CDKN1A: variants seen among roughly 807,000 people sequenced by gnomAD.
CDKN1A encodes cyclin-dependent kinase inhibitor 1.
Under a neutral mutation model 14.8 loss-of-function variants are expected in CDKN1A, and 14 were observed. The observed-to-expected ratio is 0.94, with a 90% CI of 0.62 to 1.48. The LOEUF is 1.48. Ranked by LOEUF, CDKN1A falls within the 40% of genes most tolerant of loss-of-function variation. CDKN1A has a pLI of 0.00. For missense variants in CDKN1A, 203 were observed against 231.7 expected, an observed-to-expected ratio of 0.88 and a Z score of 0.80; for synonymous variants, 92 against 93.5, an observed-to-expected ratio of 0.98 and a Z score of 0.09.
At chr6:36,677,828 A>G (rs1761743824), upstream of CDKN1A, 2 of 1,343,442 alleles carry the variant, frequency 1.5e-6, no homozygotes, top group African/African-American at 1.5e-5. Flanking sequence ...CCAGCAGTGT[A>G]TACGGGCTAT....
intron 1 of CDKN1A, among the ~76,000 whole-genome samples, chr6:36,681,750 C>A (rs1456661850): frequency 6.6e-6 from 1 of 151,690 alleles, no homozygotes; most frequent in African/African-American, 2.4e-5. Flanking sequence ...TGCCATCATG[C>A]CCGGCTAATT....
upstream of CDKN1A, chr6:36,678,637 G>C (rs1373918562): frequency 1.0e-6 from 1 of 983,798 alleles, no homozygotes; most frequent in Non-Finnish European, 1.2e-6. This position sits in a 1 kb window ranked among gnomAD's most constrained non-coding sequence, Gnocchi z 5.7. Context: ...GCGGTGGGCC[G>C]AGCGCGGGTC....
intron 2 of CDKN1A, among the ~76,000 whole-genome samples, chr6:36,685,533 C>T (rs184795875): frequency 1.1e-4 from 17 of 152,280 alleles, no homozygotes; most frequent in Middle Eastern, 3.4e-3. Flanking sequence ...GGTGCGGGTG[C>T]GGTGATGGAT....
intron 1 of CDKN1A, among the ~76,000 whole-genome samples, chr6:36,681,534 C>G: frequency 6.7e-6 from 1 of 148,900 alleles, no homozygotes; most frequent in Non-Finnish European, 1.5e-5. Flanking sequence ...CCTGTTTCAG[C>G]CTCCCAAGTA....
In CDKN1A at chr6:36,684,209, G is replaced by A. The variant is rs200882481; in HGVS notation, c.108G>A (p.Ala36=). The change falls in exon 2 of 3, where the codon GCG becomes GCA. Residue 36 remains alanine (A), a synonymous_variant. Coordinates refer to ENST00000244741, the MANE Select transcript of CDKN1A (RefSeq NM_000389.5). The surrounding 1 kb of genome is among the most constrained non-coding windows in gnomAD (Gnocchi z 6.0). The part of the protein sequence containing the change: ...DSEQLSRDCD[A]LMAGCIQEAR... ...AGCAGCTGAGCCGCGACTGTGATGC[G>A]CTAATGGCGGGCTGCATCCAGGAGG... The A allele has an allele frequency of 3.0e-5, 49 of 1,611,910 alleles. No individual in the cohort carries two copies. The East Asian group carries it at 6.5e-4, about 21-fold the overall frequency.
At chr6:36,681,314 T>TTCTA (rs1244863342) in intron 1 of CDKN1A, among the ~76,000 whole-genome samples, 1 of 126,468 alleles carries the variant, frequency 7.9e-6, no homozygotes, top group African/African-American at 2.9e-5. Context: ...CTTTCTTTCT[T>TTCTA]TCTTTCTTTC....
At position 36,686,868 on chromosome 6, in the gene CDKN1A, G is replaced by C; in HGVS notation, c.*1068G>C. 2 of 233,740 alleles carry C rather than the reference G, an allele frequency of 8.6e-6. No individual in the cohort carries two copies. The highest frequency in any genetic ancestry group is 1.7e-5 in the Non-Finnish European group (2 of 118,072). 14.5% of individuals were successfully genotyped at this position (233,740 alleles called of 1,614,324 possible). Reference sequence around the variant, plus strand: ...GTTAGGGGTATATGATGGGGGAGTAGATCTTTCTAGGAGGGAGACACTGGC... The same window carrying C: ...GTTAGGGGTATATGATGGGGGAGTACATCTTTCTAGGAGGGAGACACTGGC... On this transcript the variant is annotated 3_prime_UTR_variant, in exon 3 of 3. Coordinates refer to ENST00000244741, the MANE Select transcript of CDKN1A (RefSeq NM_000389.5). The surrounding 1 kb of genome is among the most constrained non-coding windows in gnomAD (Gnocchi z 4.9).
At position 36,686,275 on chromosome 6, in the gene CDKN1A, G is replaced by A. The variant is rs1261233743; in HGVS notation, c.*475G>A. ...TTGAGAAGTAAACAGATGGCACTTT[G>A]AAGGGGCCTCACCGAGTGGGGGCAT... is the stretch of plus-strand genomic sequence containing the variant. On this transcript the variant is annotated 3_prime_UTR_variant, in exon 3 of 3. Coordinates refer to ENST00000244741, the MANE Select transcript of CDKN1A (RefSeq NM_000389.5). This position sits in a 1 kb window ranked among gnomAD's most constrained non-coding sequence, Gnocchi z 4.9. 1 of 308,018 alleles carries A rather than the reference G, an allele frequency of 3.2e-6. No homozygotes were observed. The highest frequency in any genetic ancestry group is 2.1e-5 in the African/African-American group (1 of 46,530). The allele number at this position is 308,018 out of a possible 1,614,324, so 19.1% of individuals were successfully genotyped here. A position where few individuals can be genotyped will look rare whatever the true frequency, so the allele number is the denominator to read the frequency against.
chr6:36,681,334 T>TTCTTTCTTTTTCTTTC lies in CDKN1A; in HGVS notation c.-6+2537_-6+2538insCTTTCTTTTTCTTTCT, dbSNP rs780161958. On this transcript the variant is annotated intron_variant, in intron 1 of 2. Transcript: ENST00000244741. ...TTTCTTTCTTTCTTTCTTTCTTTCT[T>TTCTTTCTTTTTCTTTC]TTTCTTTCTTTCTTTCTTTTTCTTT... 5.2e-4 allele frequency among the ~76,000 whole-genome samples: 45 copies of TTCTTTCTTTTTCTTTC among 86,122 alleles called. 1 individual carries two copies. Among genetic ancestry groups the TTCTTTCTTTTTCTTTC allele is most frequent in the Non-Finnish European group, 8.6e-4 (35 of 40,734 alleles). The allele number at this position is 86,122 out of a possible 152,430, so 56.5% of individuals were successfully genotyped here.
Position 36,678,807 on chromosome 6 carries a change from G to A in CDKN1A, c.-6+9G>A, listed in dbSNP as rs1761786272. On this transcript the variant is annotated intron_variant, in intron 1 of 2. Transcript: ENST00000244741. The surrounding 1 kb of genome is among the most constrained non-coding windows in gnomAD (Gnocchi z 5.7). ...CGAGGCACTCAGAGGAGGTGAGAGA[G>A]CGGCGGCAGACAACAGGGGACCCCG... is the stretch of plus-strand genomic sequence containing the variant. 1 of 985,628 alleles carries A rather than the reference G, an allele frequency of 1.0e-6. No individual in the cohort carries two copies. Among genetic ancestry groups the A allele is most frequent in the South Asian group, 4.7e-5 (1 of 21,300 alleles). 61.1% of individuals were successfully genotyped at this position (985,628 alleles called of 1,614,324 possible).
At chr6:36,681,653 C>T (rs533099516) in intron 1 of CDKN1A, among the ~76,000 whole-genome samples, 73 of 130,330 alleles carry the variant, frequency 5.6e-4, no homozygotes, top group Non-Finnish European at 9.9e-4. Flanking sequence ...AGTGCAGTGG[C>T]GTGATCTCGG....
In CDKN1A at chr6:36,678,917, G is replaced by T; in HGVS notation, c.-6+119G>T. ...ATGCGTGTTCGCGGGTGTGTGCTGC[G>T]TTCACAGGTGTTTCTGCGGCAGGTG... On this transcript the variant is annotated intron_variant, in intron 1 of 2. Transcript: ENST00000244741. The surrounding 1 kb of genome is among the most constrained non-coding windows in gnomAD (Gnocchi z 5.7). 1.0e-6 allele frequency: 1 copy of T among 985,994 alleles called. No homozygotes were observed. The highest frequency in any genetic ancestry group is 1.2e-6 in the Non-Finnish European group (1 of 830,288). 61.1% of individuals were successfully genotyped at this position (985,994 alleles called of 1,614,324 possible). A position where few individuals can be genotyped will look rare whatever the true frequency, so the allele number is the denominator to read the frequency against.
chr6:36,681,745 T>C (rs3176340), intron 1 of CDKN1A, among the ~76,000 whole-genome samples: 202 of 151,718 alleles, frequency 1.3e-3, no homozygotes, highest in African/African-American at 4.5e-3. Context: ...GGTGCTGCCA[T>C]CATGCCCGGC....
upstream of CDKN1A, chr6:36,678,224 G>T (rs1038692021): frequency 4.6e-6 from 1 of 217,312 alleles, no homozygotes; most frequent in Non-Finnish European, 9.3e-6. This position sits in a 1 kb window ranked among gnomAD's most constrained non-coding sequence, Gnocchi z 5.7. Context: ...GTGATATTGT[G>T]GGGCTTTTCT....
chr6:36,679,967 G>A (rs1360954257), intron 1 of CDKN1A, among the ~76,000 whole-genome samples: 1 of 152,188 alleles, frequency 6.6e-6, no homozygotes, highest in Non-Finnish European at 1.5e-5. Context: ...GAAAGCTACA[G>A]GGCTGAGCGG....
At chr6:36,679,256 C>T (rs191982478) in intron 1 of CDKN1A, among the ~76,000 whole-genome samples, 2 of 152,332 alleles carry the variant, frequency 1.3e-5, no homozygotes, top group Admixed American at 6.5e-5. Context: ...GGAGTAAGTT[C>T]GTCTAGGATC....
intron 1 of CDKN1A, among the ~76,000 whole-genome samples, chr6:36,683,739 G>C (rs1044803934): frequency 5.3e-5 from 8 of 152,194 alleles, no homozygotes; most frequent in Admixed American, 2.6e-4. Flanking sequence ...ACACATATTT[G>C]GGGGGCATTC....
rs1554185328 is a variant in CDKN1A, at chr6:36,681,264, T to TTTTCTTTCTCTC, written c.-6+2475_-6+2476insCTCTTTCTTTCT. 1.5e-4 allele frequency among the ~76,000 whole-genome samples: 12 copies of TTTTCTTTCTCTC among 81,880 alleles called. No individual in the cohort carries two copies. The East Asian group carries it at 1.7e-3, about 12-fold the overall frequency. 53.7% of individuals were successfully genotyped at this position (81,880 alleles called of 152,430 possible). On this transcript the variant is annotated intron_variant, in intron 1 of 2. Coordinates refer to ENST00000244741, the MANE Select transcript of CDKN1A (RefSeq NM_000389.5). ...TATTTTGAAAAAACTCCCTAGGTGC[T>TTTTCTTTCTCTC]TTTCTTTCTTTCTTTTTTTCTTTCT...
At chr6:36,678,673 G>A (rs928471576), upstream of CDKN1A, 4 of 985,374 alleles carry the variant, frequency 4.1e-6, no homozygotes, top group Admixed American at 1.2e-4. This position sits in a 1 kb window ranked among gnomAD's most constrained non-coding sequence, Gnocchi z 5.7. Flanking sequence ...GGGCCCGGGC[G>A]GGGCGGTTGT....
Sources: gnomAD v4.1 joint callset for allele counts (sites outside exome capture counted in the v4.1 genomes callset) on GRCh38, gnomAD v4.1.1 for gene constraint, Gnocchi (gnomAD v3.1) non-coding constraint, MANE v1.5 for transcripts, NCBI Gene and HGNC (gene_info 2026-07-23, HGNC 2026-07-21) for gene names.